ACADM: variants seen among roughly 807,000 people sequenced by gnomAD.
ACADM encodes medium-chain specific acyl-CoA dehydrogenase, mitochondrial.
In ACADM, 49 loss-of-function variants were observed where a neutral mutation model predicts 58.9. That is an observed-to-expected ratio of 0.83 (90% CI 0.66 to 1.06). The LOEUF is 1.06. ACADM is among the 50% of genes least tolerant of loss of function. ACADM has a pLI of 0.00. For synonymous variants in ACADM, 160 were observed against 157.7 expected, an observed-to-expected ratio of 1.01 and a Z score of -0.11; for missense variants, 496 against 507.0, an observed-to-expected ratio of 0.98 and a Z score of 0.21.
At chr1:75,756,107 C>T (rs997565865) in intron 10 of ACADM, among the ~76,000 whole-genome samples, 2 of 152,142 alleles carry the variant, frequency 1.3e-5, no homozygotes, top group Admixed American at 1.3e-4. Context: ...CAGCCAATAT[C>T]ATACTGAATG....
At position 75,728,431 on chromosome 1, in the gene ACADM, A is replaced by C. The variant is rs1358331245; in HGVS notation, c.61A>C (p.Arg21=). Reference sequence around the variant, plus strand: ...GAGAAGTATTTCTCGTTTTCATTGGAGATCACAGCATACAAAAGCCAATCG... The same window carrying C: ...GAGAAGTATTTCTCGTTTTCATTGGCGATCACAGCATACAAAAGCCAATCG... ...VLRSISRFHW[R]SQHTKANRQR... is the part of the protein sequence containing the mutation. The change falls in exon 2 of 12, where the codon AGA becomes CGA. Residue 21 remains arginine (R), a synonymous_variant. Transcript: ENST00000370841. 1.2e-6 allele frequency: 2 copies of C among 1,613,556 alleles called. No homozygotes were observed. Among genetic ancestry groups the C allele is most frequent in the South Asian group, 2.2e-5 (2 of 91,046 alleles).
At chr1:75,733,376 A>G (rs575410693) in intron 4 of ACADM, 152 bp from the exon 5 acceptor site, 1 of 979,400 alleles carries the variant, frequency 1.0e-6, no homozygotes, top group African/African-American at 1.7e-5. Context: ...ATAATTTCTT[A>G]TTGTGCCAGC....
Position 75,724,835 on chromosome 1 carries a change from G to T in ACADM, c.30+18G>T, listed in dbSNP as rs762704029. ...GCTGCAGGGTGAGAGGGAGCCCAGCGGTGCGGTGGGGCTGGAACATGGGTA... is the reference window on the plus strand; with the variant it reads ...GCTGCAGGGTGAGAGGGAGCCCAGCTGTGCGGTGGGGCTGGAACATGGGTA... On this transcript the variant is annotated intron_variant, in intron 1 of 11. Transcript: ENST00000370841. The T allele has an allele frequency of 1.0e-5, 15 of 1,470,822 alleles. No homozygotes were observed. The South Asian group carries it at 1.7e-4, about 17-fold the overall frequency. The allele number at this position is 1,470,822 out of a possible 1,614,324, so 91.1% of individuals were successfully genotyped here.
intron 10 of ACADM, 22 bp from the exon 11 acceptor site, chr1:75,761,100 A>T (rs1195537858): frequency 6.2e-6 from 10 of 1,607,418 alleles, no homozygotes; most frequent in Non-Finnish European, 7.7e-6. Flanking sequence ...ATATCCTTTA[A>T]TTTTTTTCTT....
At chr1:75,744,339 A>G (rs969518747) in intron 7 of ACADM, 1 of 1,609,182 alleles carries the variant, frequency 6.2e-7, no homozygotes, top group Non-Finnish European at 8.5e-7. Context: ...GAGCAGCACC[A>G]GTTTTCCTGA....
At chr1:75,759,967 T>G (rs1174297170) in intron 10 of ACADM, among the ~76,000 whole-genome samples, 2 of 151,778 alleles carry the variant, frequency 1.3e-5, no homozygotes, top group Non-Finnish European at 2.9e-5. Context: ...AGCCAGCAAT[T>G]TCTTCTAGAA....
chr1:75,755,297 G>T (rs1365297695), intron 10 of ACADM, among the ~76,000 whole-genome samples: 1 of 152,236 alleles, frequency 6.6e-6, no homozygotes, highest in Admixed American at 6.5e-5. Flanking sequence ...TCTGAGAACA[G>T]ACAGACTGCC....
intron 7 of ACADM, among the ~76,000 whole-genome samples, chr1:75,742,957 A>T (rs1413994294): frequency 6.6e-6 from 1 of 152,194 alleles, no homozygotes; most frequent in African/African-American, 2.4e-5. Flanking sequence ...TACAAGTGGA[A>T]TCGAGAATGT....
chr1:75,761,665 C>A, intron 11 of ACADM: 1 of 365,938 alleles, frequency 2.7e-6, no homozygotes, highest in South Asian at 3.3e-5. Flanking sequence ...ACTTTTCTCT[C>A]CAAAAAGTAT....
Position 75,734,863 on chromosome 1 carries a change from T to C in ACADM, c.460T>C (p.Leu154=), listed in dbSNP as rs2100371196. The change falls in exon 6 of 12, where the codon TTG becomes CTG. Residue 154 remains leucine (L), a synonymous_variant. Coordinates refer to ENST00000370841, the MANE Select transcript of ACADM (RefSeq NM_000016.6). ...KYLGRMTEEP[L]MCAYCVTEPG... Reference sequence around the variant, plus strand: ...TTTGGGGAGAATGACTGAGGAGCCATTGATGTGTGTGAGTATGTGTAACTG... The same window carrying C: ...TTTGGGGAGAATGACTGAGGAGCCACTGATGTGTGTGAGTATGTGTAACTG... 1.2e-6 allele frequency: 2 copies of C among 1,612,604 alleles called. No homozygotes were observed. The highest frequency in any genetic ancestry group is 2.2e-5 in the East Asian group (1 of 44,856).
chr1:75,727,233 ACT>A (rs1242338029), intron 1 of ACADM, among the ~76,000 whole-genome samples: 3 of 152,032 alleles, frequency 2.0e-5, no homozygotes, highest in East Asian at 1.9e-4. Context: ...AATATTTGAC[ACT>A]CTTAATTATA....
intron 6 of ACADM, among the ~76,000 whole-genome samples, chr1:75,736,206 G>T (rs199898381): frequency 5.8e-5 from 4 of 69,216 alleles, no homozygotes; most frequent in African/African-American, 2.8e-4. Flanking sequence ...ACACACACAC[G>T]CTCTATTCTG....
intron 10 of ACADM, among the ~76,000 whole-genome samples, chr1:75,751,493 CT>C (rs370953741): frequency 7.2e-4 from 104 of 144,038 alleles, no homozygotes; most frequent in Admixed American, 7.6e-4. Context: ...AGGATCCTTG[CT>C]TTTTTTTTTT....
In ACADM at chr1:75,750,519, G is replaced by A. The variant is rs758497431; in HGVS notation, c.918G>A (p.Arg306=). 6.8e-6 allele frequency: 11 copies of A among 1,612,096 alleles called. No homozygotes were observed. The South Asian group carries it at 9.9e-5, about 15-fold the overall frequency. Residue 306 remains arginine, a synonymous_variant, in exon 10 of 12, where the codon AGG becomes AGA. Coordinates refer to ENST00000370841, the MANE Select transcript of ACADM (RefSeq NM_000016.6). ...LDEATKYALE[R]KTFGKLLVEH... ...AAGCTACCAAGTATGCCCTGGAAAG[G>A]AAAACTTTCGGAAAGCTACTTGTAG...
In ACADM at chr1:75,724,759, T is replaced by C. The variant is rs763024539; in HGVS notation, c.-29T>C. The C allele has an allele frequency of 2.7e-5, 42 of 1,534,788 alleles. 1 individual carries two copies. The Admixed American group carries it at 7.6e-4, about 28-fold the overall frequency. The stretch of plus-strand genomic sequence containing the variant: ...TGTCAAGGCCGTGACCCGTGTATTA[T>C]TGTCCGAGTGGCCGGAACGGGAGCC... On this transcript the variant is annotated 5_prime_UTR_variant, in exon 1 of 12. Transcript: ENST00000370841.
intron 10 of ACADM, among the ~76,000 whole-genome samples, chr1:75,757,044 T>C (rs1427711003): frequency 6.6e-6 from 1 of 152,194 alleles, no homozygotes; most frequent in Non-Finnish European, 1.5e-5. Context: ...CCTTACCTTA[T>C]ATAAAAATTA....
At chr1:75,756,392 A>G (rs1570902393) in intron 10 of ACADM, among the ~76,000 whole-genome samples, 1 of 148,506 alleles carries the variant, frequency 6.7e-6, no homozygotes, top group Admixed American at 6.8e-5. Context: ...TCAATGTGCA[A>G]AAATCACAAG....
chr1:75,726,663 C>G (rs529530138), intron 1 of ACADM, among the ~76,000 whole-genome samples: 2 of 152,044 alleles, frequency 1.3e-5, no homozygotes, highest in African/African-American at 4.8e-5. Context: ...TCTTCACATG[C>G]GAAAGTGGAA....
chr1:75,745,768 C>T lies in ACADM; in HGVS notation c.600-38C>T, dbSNP rs756075197. 9.1e-6 allele frequency: 13 copies of T among 1,422,566 alleles called. 1 individual carries two copies. Among genetic ancestry groups the T allele is most frequent in the South Asian group, 5.7e-5 (5 of 87,140 alleles). 88.1% of individuals were successfully genotyped at this position (1,422,566 alleles called of 1,614,324 possible). Reference sequence around the variant, plus strand: ...AGAGCAATCACCATGTGTTATTTGCCGATATTATCACCATTATCCGGTATG... The same window carrying T: ...AGAGCAATCACCATGTGTTATTTGCTGATATTATCACCATTATCCGGTATG... On this transcript the variant is annotated intron_variant, in intron 7 of 11. Transcript: ENST00000370841.
Sources: gnomAD v4.1 joint callset for allele counts (sites outside exome capture counted in the v4.1 genomes callset) on GRCh38, gnomAD v4.1.1 for gene constraint, MANE v1.5 for transcripts, NCBI Gene and HGNC (gene_info 2026-07-23, HGNC 2026-07-21) for gene names.